Variants in PHF21A observed in about 807,000 individuals in gnomAD.
PHF21A encodes PHD finger protein 21A.
Under a neutral mutation model 82.5 loss-of-function variants are expected in PHF21A, and 11 were observed. The observed-to-expected ratio is 0.13, with a 90% CI of 0.08 to 0.22. The LOEUF (loss-of-function observed/expected upper bound fraction) is 0.22, where lower values mean the gene tolerates loss of function less well. Ranked by LOEUF, PHF21A falls within the 10% of genes least tolerant of loss-of-function variation. The pLI, the probability that PHF21A is intolerant of heterozygous loss-of-function variation, is 1.00. For missense variants in PHF21A, 579 were observed against 837.8 expected, an observed-to-expected ratio of 0.69 and a Z score of 3.81; for synonymous variants, 297 against 302.8, an observed-to-expected ratio of 0.98 and a Z score of 0.20.
chr11:46,071,693 T>C (rs1304567703), intron 6 of PHF21A, among the ~76,000 whole-genome samples: 1 of 150,202 alleles, frequency 6.7e-6, no homozygotes, highest in East Asian at 2.0e-4. Flanking sequence ...CACGCATTCA[T>C]ATAAAAGGGT....
At chr11:46,036,079 G>A (rs932556249) in intron 6 of PHF21A, among the ~76,000 whole-genome samples, 18 of 152,186 alleles carry the variant, frequency 1.2e-4, no homozygotes, top group East Asian at 5.8e-4. Context: ...TAGTGCTTAT[G>A]GAAAGAAGAT....
chr11:46,024,166 C>T (rs978431036), intron 6 of PHF21A, among the ~76,000 whole-genome samples: 4 of 152,168 alleles, frequency 2.6e-5, no homozygotes, highest in African/African-American at 4.8e-5. Context: ...TGCTGGTCCT[C>T]TTTCTTTCTC....
chr11:46,117,614 A>C (rs571019636), intron 1 of PHF21A, among the ~76,000 whole-genome samples: 24 of 152,324 alleles, frequency 1.6e-4, no homozygotes, highest in African/African-American at 5.1e-4. Flanking sequence ...CCCTTTCCAA[A>C]ATCTCAACTA....
intron 1 of PHF21A, among the ~76,000 whole-genome samples, chr11:46,093,366 AAAT>A (rs1234396715): frequency 1.3e-5 from 2 of 152,212 alleles, no homozygotes; most frequent in East Asian, 3.8e-4. Flanking sequence ...CCCAGATTGT[AAAT>A]CTTTGTTTAA....
chr11:45,947,759 T>C (rs2091506698), intron 14 of PHF21A, among the ~76,000 whole-genome samples: 1 of 151,814 alleles, frequency 6.6e-6, no homozygotes, highest in Non-Finnish European at 1.5e-5. Flanking sequence ...CAGGGGTCAC[T>C]AAAAAAATCA....
chr11:46,106,356 A>G (rs1195242883), intron 1 of PHF21A, among the ~76,000 whole-genome samples: 2 of 152,218 alleles, frequency 1.3e-5, no homozygotes, highest in Non-Finnish European at 2.9e-5. Flanking sequence ...AACAGCAATA[A>G]TTACAATATG....
chr11:45,987,812 C>T (rs1047568973), intron 6 of PHF21A, among the ~76,000 whole-genome samples: 1 of 152,050 alleles, frequency 6.6e-6, no homozygotes, highest in African/African-American at 2.4e-5. Context: ...AACACCGCTG[C>T]ACATACCATC....
intron 10 of PHF21A, among the ~76,000 whole-genome samples, chr11:45,956,868 G>A (rs1024343744): frequency 2.0e-5 from 3 of 152,058 alleles, no homozygotes; most frequent in Non-Finnish European, 4.4e-5. Context: ...TTAAAAGACC[G>A]ACTGGCAGAA....
rs189286168 is a variant in PHF21A at position 46,079,324 on chromosome 11, G to C, written c.55-158C>G. 3.9e-5 allele frequency among the ~76,000 whole-genome samples: 6 copies of C among 152,270 alleles called. No homozygotes were observed. In the East Asian group the frequency reaches 1.2e-3, roughly 29 times the overall value. On this transcript the variant is annotated intron_variant, in intron 4 of 18. Transcript: ENST00000676320. ...AAAACCTTCTGTGATCCATGTAATAGGCTCAGGAGACACTTCCTTTAATAA... is the reference window on the plus strand; with the variant it reads ...AAAACCTTCTGTGATCCATGTAATACGCTCAGGAGACACTTCCTTTAATAA...
intron 6 of PHF21A, among the ~76,000 whole-genome samples, chr11:46,067,598 C>CA (rs11448208): frequency 0.84 from 121,412 of 145,312 alleles, 50,816 homozygotes; most frequent in East Asian, 0.98. Context: ...CCACCCCCCA[C>CA]AAAAAAAAAA....
chr11:46,092,865 C>T (rs2096942516), intron 1 of PHF21A, among the ~76,000 whole-genome samples: 1 of 151,138 alleles, frequency 6.6e-6, no homozygotes, highest in Non-Finnish European at 1.5e-5. Flanking sequence ...TCAAGCAATC[C>T]TCCCACCTCA....
chr11:46,079,533 CCACA>C (rs1430868611), intron 4 of PHF21A, among the ~76,000 whole-genome samples: 1 of 152,168 alleles, frequency 6.6e-6, no homozygotes, highest in African/African-American at 2.4e-5. Flanking sequence ...GAAGCTGGCC[CCACA>C]CAAAACCGGC....
chr11:45,943,977 T>C (rs2135335340), intron 15 of PHF21A, among the ~76,000 whole-genome samples: 1 of 152,186 alleles, frequency 6.6e-6, no homozygotes, highest in South Asian at 2.1e-4. Context: ...TTTAAAAACG[T>C]CAATGTTATG....
intron 6 of PHF21A, among the ~76,000 whole-genome samples, chr11:46,004,812 C>A (rs1398415291): frequency 2.0e-5 from 3 of 152,080 alleles, no homozygotes; most frequent in African/African-American, 7.2e-5. Context: ...TTTATGCCTC[C>A]TGAAAATACC....
chr11:45,957,760 A>G (rs1354169509), intron 10 of PHF21A, among the ~76,000 whole-genome samples: 1 of 150,242 alleles, frequency 6.7e-6, no homozygotes, highest in African/African-American at 2.4e-5. Flanking sequence ...GCAAAAAAAA[A>G]AAAAAAAAAG....
At chr11:46,058,239 T>C (rs1179464327) in intron 6 of PHF21A, among the ~76,000 whole-genome samples, 1 of 152,212 alleles carries the variant, frequency 6.6e-6, no homozygotes, top group Non-Finnish European at 1.5e-5. Context: ...ACCTCACAAC[T>C]TCCAATCATT....
At chr11:46,021,376 TA>T (rs2095627765) in intron 6 of PHF21A, among the ~76,000 whole-genome samples, 1 of 151,868 alleles carries the variant, frequency 6.6e-6, no homozygotes, top group Non-Finnish European at 1.5e-5. Flanking sequence ...GACAGACTTT[TA>T]AAATAACCTC....
Position 45,930,617 on chromosome 11 carries a change from T to C in PHF21A, c.*3351A>G, listed in dbSNP as rs1236534002. 2.6e-5 allele frequency: 4 copies of C among 152,410 alleles called. No homozygotes were observed. The East Asian group carries it at 7.7e-4, about 29-fold the overall frequency. The allele number at this position is 152,410 out of a possible 1,614,324, so 9.4% of individuals were successfully genotyped here. A position where few individuals can be genotyped will look rare whatever the true frequency, so the allele number is the denominator to read the frequency against. On this transcript the variant is annotated 3_prime_UTR_variant, in exon 19 of 19. Transcript: ENST00000676320. Reference sequence around the variant, plus strand: ...AGATGACAGCAACATGGCCTCACTGTTACCAGGATGCAGCGCCTGGACAGG... The same window carrying C: ...AGATGACAGCAACATGGCCTCACTGCTACCAGGATGCAGCGCCTGGACAGG...
At chr11:46,113,391 TAGAAAAATCTTACGTAGG>T (rs2097246873) in intron 1 of PHF21A, among the ~76,000 whole-genome samples, 1 of 152,128 alleles carries the variant, frequency 6.6e-6, no homozygotes, top group African/African-American at 2.4e-5. Flanking sequence ...ATTTTCACAT[TAGAAAAATCTTACGTAGG>T]AGAAGCACAG....
Sources: gnomAD v4.1 joint callset for allele counts (sites outside exome capture counted in the v4.1 genomes callset) on GRCh38, gnomAD v4.1.1 for gene constraint, MANE v1.5 for transcripts, NCBI Gene and HGNC (gene_info 2026-07-23, HGNC 2026-07-21) for gene names.